The following TRANK1 variants were observed in gnomAD, a reference collection of about 807,000 sequenced individuals.
TRANK1 encodes the protein tetratricopeptide repeat and ankyrin repeat containing 1, also known as TPR and ankyrin repeat-containing protein 1.
In TRANK1, 198 loss-of-function variants were observed where a neutral mutation model predicts 266.0. That is an observed-to-expected ratio of 0.74 (90% CI 0.66 to 0.84). The LOEUF is 0.84. TRANK1 is among the 40% of genes least tolerant of loss of function. The pLI is 0.00. For missense variants in TRANK1, 3,326 were observed against 3,634.6 expected, an observed-to-expected ratio of 0.92 and a Z score of 2.18; for synonymous variants, 1,396 against 1,384.1, an observed-to-expected ratio of 1.01 and a Z score of -0.19.
At chr3:36,937,624 C>T (rs188166149) in intron 1 of TRANK1, among the ~76,000 whole-genome samples, 66 of 152,278 alleles carry the variant, frequency 4.3e-4, no homozygotes, top group Non-Finnish European at 7.6e-4. Flanking sequence ...CAAAGAATAA[C>T]CAATAAGTTA....
intron 1 of TRANK1, among the ~76,000 whole-genome samples, chr3:36,911,633 C>CT (rs1553629248): frequency 6.6e-6 from 1 of 152,070 alleles, no homozygotes; most frequent in African/African-American, 2.4e-5. Context: ...ATACAGAAGG[C>CT]TTTTTTCTTC....
rs1342605795 is a variant in TRANK1, at chr3:36,899,179, T to G, written c.363A>C (p.Arg121=). The change falls in exon 4 of 24, where the codon CGA becomes CGC. Residue 121 remains arginine, a synonymous_variant. Coordinates refer to ENST00000645898, the MANE Select transcript of TRANK1 (RefSeq NM_001329998.2). The part of the protein sequence containing the change: ...EAARMFFEGL[R]LVQRSQDQAP... ...CCTGGTCTTGGCTTCTCTGCACAAGTCGCAGACCCTCAAAAAACATGCGAG... is the reference window on the plus strand; with the variant it reads ...CCTGGTCTTGGCTTCTCTGCACAAGGCGCAGACCCTCAAAAAACATGCGAG... 3.3e-6 allele frequency: 5 copies of G among 1,537,238 alleles called. No individual in the cohort carries two copies. Among genetic ancestry groups the G allele is most frequent in the Non-Finnish European group, 4.4e-6 (5 of 1,146,916 alleles).
intron 1 of TRANK1, among the ~76,000 whole-genome samples, chr3:36,940,384 T>C (rs1281673298): frequency 6.6e-6 from 1 of 151,572 alleles, no homozygotes; most frequent in African/African-American, 2.4e-5. Flanking sequence ...CCTGTAGTCC[T>C]AGCTACTTGG....
chr3:36,907,565 C>T lies in TRANK1; in HGVS notation c.155+758G>A, dbSNP rs548760800. 3.3e-5 allele frequency among the ~76,000 whole-genome samples: 5 copies of T among 149,478 alleles called. No homozygotes were observed. The East Asian group carries it at 6.0e-4, about 18-fold the overall frequency. On this transcript the variant is annotated intron_variant, in intron 2 of 23. Transcript: ENST00000645898. Reference sequence around the variant, plus strand: ...CTGCAAGCTCCACCTCCCGGGTTCACGCTATTCTCCTGCCTCACCCTCCGG... The same window carrying T: ...CTGCAAGCTCCACCTCCCGGGTTCATGCTATTCTCCTGCCTCACCCTCCGG...
At chr3:36,933,985 A>C (rs186044086) in intron 1 of TRANK1, among the ~76,000 whole-genome samples, 7 of 152,318 alleles carry the variant, frequency 4.6e-5, no homozygotes, top group Non-Finnish European at 7.3e-5. Context: ...TTTAGGAAAC[A>C]GGGCACTTGC....
Position 36,831,738 on chromosome 3 carries a change from C to T in TRANK1, c.7845G>A (p.Val2615=), listed in dbSNP as rs9877706. 21,140 of 1,613,930 alleles carry T rather than the reference C, an allele frequency of 0.013. 2,052 individuals carry two copies. In the African/African-American group the frequency reaches 0.23, roughly 17 times the overall value. The change falls in exon 22 of 24, where the codon GTG becomes GTA. Residue 2615 remains valine, a synonymous_variant. Coordinates refer to ENST00000645898, the MANE Select transcript of TRANK1 (RefSeq NM_001329998.2). The surrounding 1 kb of genome is among the most constrained non-coding windows in gnomAD (Gnocchi z 5.0). ...GQVPERLLKV[V]KRVLVAVNVK... ...CATTGACTGCCACCAAGACCCGCTT[C>T]ACCACCTTCAGGAGCCTCTCGGGAA...
intron 9 of TRANK1, among the ~76,000 whole-genome samples, chr3:36,866,089 A>AAAGG (rs2079219985): frequency 6.6e-6 from 1 of 151,752 alleles, no homozygotes; most frequent in Non-Finnish European, 1.5e-5. Context: ...AGAAAGAAAG[A>AAAGG]AAGAAAGAAA....
At chr3:36,926,881 C>G (rs1329184381) in intron 1 of TRANK1, among the ~76,000 whole-genome samples, 1 of 152,188 alleles carries the variant, frequency 6.6e-6, no homozygotes, top group Admixed American at 6.5e-5. Context: ...TTTCCCTTAT[C>G]CCATTAATAT....
Position 36,847,304 on chromosome 3 carries a change from A to T in TRANK1, c.4930T>A (p.Ser1644Thr), listed in dbSNP as rs761250051. The T allele has an allele frequency of 5.6e-6, 9 of 1,613,578 alleles. No homozygotes were observed. Among genetic ancestry groups the T allele is most frequent in the Admixed American group, 3.3e-5 (2 of 59,946 alleles). The change falls in exon 16 of 24, where the codon TCA becomes ACA. Residue 1644 changes from serine to threonine, a missense_variant. Physicochemically the swap from Ser to Thr is moderately conservative, Grantham distance 58. Transcript: ENST00000645898. ...CGGTTTTCCTCTCTGGAGTCAGTTGAGGTAGGTGTGAATGAGGAAATGATC... is the reference window on the plus strand; with the variant it reads ...CGGTTTTCCTCTCTGGAGTCAGTTGTGGTAGGTGTGAATGAGGAAATGATC... ...WKIISSFTPT[S>T]TDSREENRPL... is the part of the protein sequence containing the mutation.
chr3:36,856,200 T>G lies in TRANK1; in HGVS notation c.3522A>C (p.Gln1174His), dbSNP rs2079050864. 11 of 1,613,964 alleles carry G rather than the reference T, an allele frequency of 6.8e-6. No individual in the cohort carries two copies. The highest frequency in any genetic ancestry group is 9.3e-6 in the Non-Finnish European group (11 of 1,179,880). Residue 1174 changes from glutamine (Q) to histidine (H), a missense_variant, in exon 13 of 24, where the codon CAA becomes CAC. Gln to His is a conservative substitution (Grantham distance 24). Coordinates refer to ENST00000645898, the MANE Select transcript of TRANK1 (RefSeq NM_001329998.2). ...GTTCTGGTGCACATACTTCTGCAGC[T>G]TGGCCGTCCCCTGCTGGCTCCACAC... Reference protein sequence around the residue: ...GAGVEPAGDGQAAEVCAPEHP... With the variant: ...GAGVEPAGDGHAAEVCAPEHP...
chr3:36,888,566 A>G (rs958453073), intron 8 of TRANK1, among the ~76,000 whole-genome samples: 1 of 152,192 alleles, frequency 6.6e-6, no homozygotes, highest in Middle Eastern at 3.2e-3. Flanking sequence ...GTCCCAGTTC[A>G]GTGGGAATGA....
At position 36,852,148 on chromosome 3, in the gene TRANK1, G is replaced by C; in HGVS notation, c.4747C>G (p.Gln1583Glu). 1.3e-6 allele frequency: 2 copies of C among 1,581,516 alleles called. No individual in the cohort carries two copies. The highest frequency in any genetic ancestry group is 1.7e-6 in the Non-Finnish European group (2 of 1,170,398). The part of the protein sequence containing the change: ...KTQPIEFGAH[Q>E]VILVANETAK... ...ACATAAAATCCCAAGCAGCTCACCTGGTGGGCTCCAAATTCAATGGGCTGA... is the reference window on the plus strand; with the variant it reads ...ACATAAAATCCCAAGCAGCTCACCTCGTGGGCTCCAAATTCAATGGGCTGA... Residue 1583 changes from glutamine (Q) to glutamate (E), a missense_variant and splice_region_variant, in exon 14 of 24, where the codon CAG becomes GAG. By Grantham distance (29) the Gln-to-Glu change is conservative (BLOSUM62 2). Coordinates refer to ENST00000645898, the MANE Select transcript of TRANK1 (RefSeq NM_001329998.2).
intron 3 of TRANK1, among the ~76,000 whole-genome samples, chr3:36,899,686 C>G (rs1351736079): frequency 6.6e-6 from 1 of 152,194 alleles, no homozygotes; most frequent in East Asian, 1.9e-4. Flanking sequence ...GATTTCTAAC[C>G]AACACTGGAT....
chr3:36,831,902 G>C lies in TRANK1; in HGVS notation c.7681C>G (p.Arg2561Gly). Residue 2561 changes from arginine to glycine, a missense_variant, in exon 22 of 24, where the codon CGG (arginine) becomes GGG (glycine). Physicochemically the swap from Arg to Gly is moderately radical, Grantham distance 125 (BLOSUM62 -2). Coordinates refer to ENST00000645898, the MANE Select transcript of TRANK1 (RefSeq NM_001329998.2). This position sits in a 1 kb window ranked among gnomAD's most constrained non-coding sequence, Gnocchi z 5.0. ...IDYVVSGEAE[R>G]TLVLCLVMLV... The stretch of plus-strand genomic sequence containing the variant: ...ATCACCAAGCACAGCACCAGTGTCC[G>C]CTCAGCCTCACCCGAGACCACATAG... The C allele has an allele frequency of 6.2e-7, 1 of 1,614,018 alleles. No homozygotes were observed. The highest frequency in any genetic ancestry group is 8.5e-7 in the Non-Finnish European group (1 of 1,179,884).
At chr3:36,835,516 A>C (rs1389039144) in intron 20 of TRANK1, among the ~76,000 whole-genome samples, 1 of 152,160 alleles carries the variant, frequency 6.6e-6, no homozygotes, top group Non-Finnish European at 1.5e-5. Context: ...TTGAGGTCAC[A>C]CTCAAGTGGA....
intron 1 of TRANK1, among the ~76,000 whole-genome samples, chr3:36,939,268 C>T (rs987118545): frequency 1.3e-5 from 2 of 150,986 alleles, no homozygotes; most frequent in African/African-American, 4.9e-5. Flanking sequence ...CATACACACA[C>T]ACACACACAC....
intron 9 of TRANK1, among the ~76,000 whole-genome samples, chr3:36,866,084 G>GAAAGAA: frequency 6.6e-6 from 1 of 150,982 alleles, no homozygotes; most frequent in South Asian, 2.1e-4. Flanking sequence ...AAGAAAGAAA[G>GAAAGAA]AAAGAAAGAA....
At chr3:36,872,670 G>A (rs2079326729) in intron 9 of TRANK1, among the ~76,000 whole-genome samples, 1 of 152,074 alleles carries the variant, frequency 6.6e-6, no homozygotes, top group African/African-American at 2.4e-5. Context: ...TAAAGATCTG[G>A]GAAGAGAAAA....
rs577486907 is a variant in TRANK1 at position 36,874,267 on chromosome 3, G to T, written c.937C>A (p.Arg313Ser). Reference sequence around the variant, plus strand: ...AGCAAAGTGGGATCTGCCCCAAAGCGCAGGAGCATCTGCACATCCTCTGTT... The same window carrying T: ...AGCAAAGTGGGATCTGCCCCAAAGCTCAGGAGCATCTGCACATCCTCTGTT... ...RQTEDVQMLL[R>S]FGADPTLLDR... Residue 313 changes from arginine (R) to serine (S), a missense_variant, in exon 9 of 24, where the codon CGC (arginine) becomes AGC (serine). Physicochemically the swap from Arg to Ser is moderately radical, Grantham distance 110. Transcript: ENST00000645898. 22 of 1,537,092 alleles carry T rather than the reference G, an allele frequency of 1.4e-5. No homozygotes were observed. In the South Asian group the frequency reaches 2.4e-4, roughly 17 times the overall value.
Sources: gnomAD v4.1 joint callset for allele counts (sites outside exome capture counted in the v4.1 genomes callset) on GRCh38, gnomAD v4.1.1 for gene constraint, Gnocchi (gnomAD v3.1) non-coding constraint, MANE v1.5 for transcripts, NCBI Gene and HGNC (gene_info 2026-07-23, HGNC 2026-07-21) for gene names.